Variants in ASAP2 observed in about 807,000 individuals in gnomAD.
The protein encoded by ASAP2 is arf-GAP with SH3 domain, ANK repeat and PH domain-containing protein 2.
A neutral mutation model predicts 131.4 loss-of-function variants in ASAP2; 45 were observed. That is an observed-to-expected ratio of 0.34 (90% CI 0.27 to 0.44). ASAP2 has a LOEUF of 0.44. ASAP2 is among the 20% of genes least tolerant of loss of function. The pLI is 1.00. For synonymous variants in ASAP2, 510 were observed against 503.0 expected (o/e 1.01, Z -0.19); for missense variants, 1,011 against 1,297.0 (o/e 0.78, Z 3.39).
At chr2:9,236,626 G>C (rs1391547801) in intron 1 of ASAP2, among the ~76,000 whole-genome samples, 1 of 152,060 alleles carries the variant, frequency 6.6e-6, no homozygotes, top group East Asian at 1.9e-4. Context: ...ATAAAAACTT[G>C]ATAAAATTTA....
intron 1 of ASAP2, among the ~76,000 whole-genome samples, chr2:9,211,199 C>T (rs1358321207): frequency 6.6e-6 from 1 of 151,618 alleles, no homozygotes; most frequent in East Asian, 1.9e-4. Flanking sequence ...CTGGTGAGAG[C>T]ATACCTGTAT....
chr2:9,303,243 C>T (rs1295233337), intron 3 of ASAP2, among the ~76,000 whole-genome samples: 1 of 152,210 alleles, frequency 6.6e-6, no homozygotes, highest in Non-Finnish European at 1.5e-5. Context: ...CTAGAGACAT[C>T]CCCAGTGGCT....
chr2:9,283,037 C>T (rs528092503), intron 2 of ASAP2, among the ~76,000 whole-genome samples: 218 of 152,314 alleles, frequency 1.4e-3, no homozygotes, highest in African/African-American at 4.6e-3. Flanking sequence ...TCTTTGACTT[C>T]AGCGTAGCCC....
chr2:9,274,038 G>T (rs1159588915), intron 1 of ASAP2, among the ~76,000 whole-genome samples: 1 of 152,200 alleles, frequency 6.6e-6, no homozygotes, highest in Non-Finnish European at 1.5e-5. Context: ...CAGCTTGGAG[G>T]TTAGAAACAG....
chr2:9,228,024 G>A (rs1295434630), intron 1 of ASAP2, among the ~76,000 whole-genome samples: 3 of 152,192 alleles, frequency 2.0e-5, no homozygotes, highest in Non-Finnish European at 4.4e-5. Context: ...TAATAGCAGC[G>A]AGATCGGAGA....
intron 1 of ASAP2, among the ~76,000 whole-genome samples, chr2:9,248,735 C>T (rs1309946444): frequency 6.6e-6 from 1 of 152,110 alleles, no homozygotes; most frequent in Non-Finnish European, 1.5e-5. Flanking sequence ...GGTAAATTTC[C>T]TTACACCATT....
At position 9,279,377 on chromosome 2, in the gene ASAP2, A is replaced by G; in HGVS notation, c.187A>G (p.Ser63Gly). The change falls in exon 2 of 28, where the codon AGC (serine) becomes GGC (glycine). Residue 63 changes from serine to glycine, a missense_variant. By Grantham distance (56) the Ser-to-Gly change is moderately conservative. This residue lies in a region of ASAP2 where 359 missense variants were observed against 598.1 expected (regional missense o/e 0.60). Transcript: ENST00000281419. ...GAAGAAATCCGTGAAAGCAATCAAC[A>G]GCTCTGGGCTGGGTGAGTATACATC... ...KMKKSVKAIN[S>G]SGLAHVENEE... 6.2e-7 allele frequency: 1 copy of G among 1,614,112 alleles called. No homozygotes were observed. Among genetic ancestry groups the G allele is most frequent in the Non-Finnish European group, 8.5e-7 (1 of 1,179,954 alleles).
chr2:9,299,603 A>G (rs942892584), intron 3 of ASAP2, among the ~76,000 whole-genome samples: 2 of 152,196 alleles, frequency 1.3e-5, no homozygotes, highest in Non-Finnish European at 2.9e-5. Context: ...CAAGAGGATC[A>G]TGGCGAAGGG....
chr2:9,370,887 G>A (rs555056854), intron 16 of ASAP2, among the ~76,000 whole-genome samples: 4 of 152,308 alleles, frequency 2.6e-5, no homozygotes, highest in Admixed American at 6.5e-5. Flanking sequence ...CCAGCATGGC[G>A]AGGTCATCTC....
At chr2:9,304,861 A>G (rs1668747695) in intron 3 of ASAP2, among the ~76,000 whole-genome samples, 1 of 140,600 alleles carries the variant, frequency 7.1e-6, no homozygotes. Flanking sequence ...AGGAGGTTGT[A>G]ATAGTGGGGT....
chr2:9,392,488 G>A lies in ASAP2; in HGVS notation c.2519-994G>A, dbSNP rs779579303. Among the ~76,000 whole-genome samples the A allele has an allele frequency of 1.3e-5, 2 of 152,164 alleles. No homozygotes were observed. The highest frequency in any genetic ancestry group is 4.8e-5 in the African/African-American group (2 of 41,438). On this transcript the variant is annotated intron_variant, in intron 23 of 27. Transcript: ENST00000281419. The surrounding 1 kb of genome is among the most constrained non-coding windows in gnomAD (Gnocchi z 4.0). ...GTGTGCACATGCCGGCAGCAGAGCC[G>A]GGAGCAGTGGGTCTGGGAGGGTCTT...
At chr2:9,344,890 C>A in intron 11 of ASAP2, 90 bp downstream of exon 11, 2 of 1,124,726 alleles carry the variant, frequency 1.8e-6, no homozygotes, top group Non-Finnish European at 2.7e-6. Context: ...AGGAGTTGTT[C>A]TCCGTGTGTG....
intron 20 of ASAP2, among the ~76,000 whole-genome samples, chr2:9,384,027 G>A (rs577628575): frequency 9.9e-5 from 15 of 152,098 alleles, no homozygotes; most frequent in Non-Finnish European, 1.9e-4. Context: ...GTGGGGAGAC[G>A]GGGGAGGGAT....
At chr2:9,330,130 T>C (rs773503942) in intron 7 of ASAP2, among the ~76,000 whole-genome samples, 16 of 152,218 alleles carry the variant, frequency 1.1e-4, no homozygotes, top group Non-Finnish European at 1.5e-4. Context: ...GAATTCTTAA[T>C]ACAGCTTTGA....
intron 1 of ASAP2, among the ~76,000 whole-genome samples, chr2:9,252,108 G>A (rs1307874258): frequency 1.3e-5 from 2 of 152,174 alleles, no homozygotes; most frequent in Admixed American, 6.5e-5. Flanking sequence ...CACAAAAGCC[G>A]TTAACACACA....
At position 9,233,376 on chromosome 2, in the gene ASAP2, A is replaced by G. The variant is rs180834054; in HGVS notation, c.126+26146A>G. Among the ~76,000 whole-genome samples the G allele has an allele frequency of 3.3e-5, 5 of 152,248 alleles. No individual in the cohort carries two copies. In the East Asian group the frequency reaches 5.8e-4, roughly 18 times the overall value. On this transcript the variant is annotated intron_variant, in intron 1 of 27. Coordinates refer to ENST00000281419, the MANE Select transcript of ASAP2 (RefSeq NM_003887.3). ...GAGAGGCCTTTATGCTTTTTGTGCTATTTTCCTTTATGGGCTCTGGTAGTT... is the reference window on the plus strand; with the variant it reads ...GAGAGGCCTTTATGCTTTTTGTGCTGTTTTCCTTTATGGGCTCTGGTAGTT...
At chr2:9,396,435 G>A (rs185354695) in intron 24 of ASAP2, among the ~76,000 whole-genome samples, 1 of 152,012 alleles carries the variant, frequency 6.6e-6, no homozygotes, top group Non-Finnish European at 1.5e-5. Context: ...CACCATGCCC[G>A]GTTAATTTAT....
At position 9,365,684 on chromosome 2, in the gene ASAP2, C is replaced by T. The variant is rs113163671; in HGVS notation, c.1462-2741C>T. ...TGGTGAGTGCCAAGAAAAGGGGCCT[C>T]CTGGCCAAGGGACTGCTCTGCTCAT... is the stretch of plus-strand genomic sequence containing the variant. On this transcript the variant is annotated intron_variant, in intron 15 of 27. Transcript: ENST00000281419. 6.6e-3 allele frequency among the ~76,000 whole-genome samples: 1,012 copies of T among 152,312 alleles called. 11 individuals are homozygous for T. The highest frequency in any genetic ancestry group is 0.023 in the African/African-American group (959 of 41,564).
intron 5 of ASAP2, among the ~76,000 whole-genome samples, chr2:9,320,966 T>G (rs1187456647): frequency 6.6e-6 from 1 of 152,186 alleles, no homozygotes; most frequent in Admixed American, 6.5e-5. Context: ...CAATCACAGT[T>G]TCTCATCCCT....
Sources: gnomAD v4.1 joint callset for allele counts (sites outside exome capture counted in the v4.1 genomes callset) on GRCh38, gnomAD v4.1.1 for gene constraint, gnomAD v4.1.1 regional missense constraint, Gnocchi (gnomAD v3.1) non-coding constraint, MANE v1.5 for transcripts, NCBI Gene and HGNC (gene_info 2026-07-23, HGNC 2026-07-21) for gene names.